Variants in PTPN4 observed in about 807,000 individuals in gnomAD.
PTPN4 encodes the protein tyrosine-protein phosphatase non-receptor type 4.
Under a neutral mutation model 135.5 loss-of-function variants are expected in PTPN4, and 49 were observed. That is an observed-to-expected ratio of 0.36 (90% CI 0.29 to 0.46). The LOEUF (loss-of-function observed/expected upper bound fraction) is 0.46. Among genes scored for constraint, PTPN4 ranks in the 20% least tolerant of loss-of-function variants. The pLI is 1.00. For synonymous variants in PTPN4, 333 were observed against 369.9 expected (o/e 0.90, Z 1.14); for missense variants, 860 against 1,101.0 (o/e 0.78, Z 3.10).
At chr2:119,797,206 C>T (rs1047344097) in intron 1 of PTPN4, among the ~76,000 whole-genome samples, 5 of 152,030 alleles carry the variant, frequency 3.3e-5, no homozygotes, top group African/African-American at 7.3e-5. Flanking sequence ...TTGATGATGT[C>T]GAAAGAGTGA....
At chr2:119,956,536 T>C (rs1289682757) in intron 20 of PTPN4, among the ~76,000 whole-genome samples, 2 of 152,234 alleles carry the variant, frequency 1.3e-5, no homozygotes, top group Admixed American at 1.3e-4. Flanking sequence ...ACCTCCAAAC[T>C]AAATGAAAGT....
At chr2:119,976,892 A>T (rs2105069634) in intron 26 of PTPN4, 92 bp from the exon 27 acceptor site, 1 of 1,512,328 alleles carries the variant, frequency 6.6e-7, no homozygotes, top group South Asian at 1.3e-5. Context: ...TTAAGTAAGC[A>T]AGCCAAGTGA....
chr2:119,847,315 C>CACACACACACACAT (rs1377379334), intron 2 of PTPN4, among the ~76,000 whole-genome samples: 1 of 94,498 alleles, frequency 1.1e-5, no homozygotes, highest in Non-Finnish European at 2.0e-5. Flanking sequence ...CACACACACA[C>CACACACACACACAT]ATATATATAT....
At chr2:119,973,655 GTTTTTTTTTTTTTTTTTTT>G (rs70949378) in intron 26 of PTPN4, among the ~76,000 whole-genome samples, 1 of 38,394 alleles carries the variant, frequency 2.6e-5, no homozygotes, top group Non-Finnish European at 4.2e-5. Context: ...TTCATTTCTT[GTTTTTTTTTTTTTTTTTTT>G]TTTTTTTTGG....
intron 1 of PTPN4, among the ~76,000 whole-genome samples, chr2:119,783,891 C>G (rs1188518497): frequency 1.3e-5 from 2 of 152,142 alleles, no homozygotes; most frequent in Non-Finnish European, 2.9e-5. Flanking sequence ...CTTTTCTGTT[C>G]CACAGTGTCT....
rs1679045476 is a variant in PTPN4 at position 119,940,515 on chromosome 2, G to A, written c.1356-4566G>A. Among the ~76,000 whole-genome samples, 3 of 152,150 alleles carry A rather than the reference G, an allele frequency of 2.0e-5. No homozygotes were observed. The South Asian group carries it at 6.2e-4, about 32-fold the overall frequency. ...TTGTCTCCCAGGCTGGGGCATAGTG[G>A]CGCAATTATAGCTCACCACAGCCTC... On this transcript the variant is annotated intron_variant, in intron 15 of 26. Coordinates refer to ENST00000263708, the MANE Select transcript of PTPN4 (RefSeq NM_002830.4).
At chr2:119,779,198 T>C (rs886954119) in intron 1 of PTPN4, among the ~76,000 whole-genome samples, 1 of 152,208 alleles carries the variant, frequency 6.6e-6, no homozygotes, top group African/African-American at 2.4e-5. Context: ...AACAATAAGC[T>C]AAGTTAGTCC....
intron 5 of PTPN4, among the ~76,000 whole-genome samples, chr2:119,878,348 C>G (rs534539789): frequency 6.6e-6 from 1 of 152,030 alleles, no homozygotes; most frequent in Non-Finnish European, 1.5e-5. Flanking sequence ...TTTACAAAGA[C>G]AGTTAAAAAT....
In PTPN4 at chr2:119,934,782, T is replaced by G; in HGVS notation, c.1197-18T>G. 1 of 1,610,872 alleles carries G rather than the reference T, an allele frequency of 6.2e-7. No individual in the cohort carries two copies. ...ATTGAAGCATATTTTTATTCAGTTT[T>G]TCTCCCTCTTTATTTAGTCGAAATT... On this transcript the variant is annotated intron_variant, in intron 14 of 26. Transcript: ENST00000263708.
At chr2:119,966,533 C>T (rs1679448440) in intron 25 of PTPN4, among the ~76,000 whole-genome samples, 1 of 152,206 alleles carries the variant, frequency 6.6e-6, no homozygotes, top group Non-Finnish European at 1.5e-5. Context: ...GTTGGGATTA[C>T]AGGTGTGAGC....
intron 9 of PTPN4, among the ~76,000 whole-genome samples, chr2:119,887,599 A>C (rs1678178477): frequency 6.6e-6 from 1 of 152,204 alleles, no homozygotes; most frequent in Non-Finnish European, 1.5e-5. Flanking sequence ...GTATGTGGCT[A>C]TCTGATTTTC....
intron 3 of PTPN4, among the ~76,000 whole-genome samples, chr2:119,871,528 T>G (rs1279576542): frequency 6.6e-6 from 1 of 152,016 alleles, no homozygotes; most frequent in Non-Finnish European, 1.5e-5. Flanking sequence ...GCTGATTGGG[T>G]GTCTGCACTA....
chr2:119,888,422 C>T (rs547114147), intron 9 of PTPN4, among the ~76,000 whole-genome samples: 8 of 152,142 alleles, frequency 5.3e-5, no homozygotes, highest in African/African-American at 1.9e-4. Flanking sequence ...TTGTCTTTTT[C>T]CAGTTCTTAG....
chr2:119,934,013 A>C (rs970461304), intron 14 of PTPN4, among the ~76,000 whole-genome samples: 51 of 152,242 alleles, frequency 3.3e-4, no homozygotes, highest in Middle Eastern at 3.2e-3. Flanking sequence ...ATAGAAAATA[A>C]TAGCAAGTTA....
chr2:119,839,777 G>A (rs1677352284), intron 2 of PTPN4, among the ~76,000 whole-genome samples: 1 of 152,158 alleles, frequency 6.6e-6, no homozygotes, highest in Non-Finnish European at 1.5e-5. Context: ...TTTGCTATAT[G>A]TTGCAAATAT....
chr2:119,905,511 A>AT (rs1678474150), intron 10 of PTPN4, among the ~76,000 whole-genome samples: 1 of 152,234 alleles, frequency 6.6e-6, no homozygotes, highest in South Asian at 2.1e-4. Context: ...ACAGACTCCA[A>AT]TACAATAGTA....
At chr2:119,856,397 T>C (rs1677681613) in intron 2 of PTPN4, among the ~76,000 whole-genome samples, 1 of 152,194 alleles carries the variant, frequency 6.6e-6, no homozygotes, top group Admixed American at 6.5e-5. Flanking sequence ...GTGTGAAATT[T>C]ATCTTTGGGG....
At chr2:119,919,705 T>C (rs1056874475) in intron 11 of PTPN4, among the ~76,000 whole-genome samples, 5 of 151,974 alleles carry the variant, frequency 3.3e-5, no homozygotes, top group Admixed American at 2.0e-4. Flanking sequence ...ATGCCTTTAA[T>C]TCCTGCTGCT....
intron 2 of PTPN4, among the ~76,000 whole-genome samples, chr2:119,830,596 G>A (rs1321974691): frequency 1.3e-5 from 2 of 152,114 alleles, no homozygotes; most frequent in Non-Finnish European, 2.9e-5. Context: ...AGCCTCCAGA[G>A]TAGCTGAGAT....
Sources: gnomAD v4.1 joint callset for allele counts (sites outside exome capture counted in the v4.1 genomes callset) on GRCh38, gnomAD v4.1.1 for gene constraint, MANE v1.5 for transcripts, NCBI Gene and HGNC (gene_info 2026-07-23, HGNC 2026-07-21) for gene names.